The following SLC22A24 variants were observed in gnomAD, a reference collection of about 807,000 sequenced individuals.
SLC22A24 encodes solute carrier family 22 member 24, also known as steroid transmembrane transporter SLC22A24.
SLC22A24 carries 53 observed loss-of-function variants against 49.8 expected under a neutral mutation model. That is an observed-to-expected ratio of 1.06 (90% CI 0.85 to 1.34). The LOEUF (loss-of-function observed/expected upper bound fraction) is 1.34. Ranked by LOEUF, SLC22A24 falls within the 40% of genes most tolerant of loss-of-function variation. The pLI is 0.00. For missense variants in SLC22A24, 786 were observed against 675.9 expected, an observed-to-expected ratio of 1.16 and a Z score of -1.81; for synonymous variants, 302 against 256.4, an observed-to-expected ratio of 1.18 and a Z score of -1.70.
intron 4 of SLC22A24, among the ~76,000 whole-genome samples, chr11:63,116,533 T>C (rs2087214506): frequency 6.6e-6 from 1 of 152,222 alleles, no homozygotes; most frequent in Non-Finnish European, 1.5e-5. Flanking sequence ...TAAAAATCTT[T>C]CTTTGGATTT....
chr11:63,104,444 G>T, intron 4 of SLC22A24, 146 bp from the exon 5 acceptor site: 2 of 746,122 alleles, frequency 2.7e-6, no homozygotes, highest in Non-Finnish European at 4.2e-6. Context: ...CTCCTCTGCT[G>T]GACTCCTAGG....
intron 5 of SLC22A24, among the ~76,000 whole-genome samples, chr11:63,096,985 G>A (rs887580663): frequency 2.0e-5 from 3 of 152,108 alleles, no homozygotes; most frequent in Non-Finnish European, 4.4e-5. Context: ...TAGCACAGGA[G>A]TAGAAACATT....
At chr11:63,130,882 T>A (rs1434918588) in intron 2 of SLC22A24, among the ~76,000 whole-genome samples, 1 of 152,110 alleles carries the variant, frequency 6.6e-6, no homozygotes, top group Admixed American at 6.6e-5. Flanking sequence ...GGTGTTAAAG[T>A]CTCTCATTAT....
At chr11:63,097,056 A>G (rs560364624) in intron 5 of SLC22A24, among the ~76,000 whole-genome samples, 28 of 152,182 alleles carry the variant, frequency 1.8e-4, no homozygotes, top group African/African-American at 6.7e-4. Context: ...GATATGGGAG[A>G]CTTTTACATA....
In SLC22A24 at chr11:63,096,037, G is replaced by A. The variant is rs528111522; in HGVS notation, c.1024C>T (p.Arg342Cys). 9.7e-6 allele frequency: 15 copies of A among 1,550,910 alleles called. 1 individual carries two copies. The highest frequency in any genetic ancestry group is 8.3e-5 in the South Asian group (7 of 84,032). The change falls in exon 6 of 10, where the codon CGT (arginine) becomes TGT (cysteine). Residue 342 changes from arginine (R) to cysteine (C), a missense_variant. Transcript: ENST00000612278. ...RIKTSIFSLF[R>C]APKLRMRVFG... ...ACTCTCATTCGCAATTTGGGTGCAC[G>A]GAACAGGGAAAAAATGGATGTTTTA...
At chr11:63,113,322 T>C (rs887095255) in intron 4 of SLC22A24, among the ~76,000 whole-genome samples, 18 of 151,206 alleles carry the variant, frequency 1.2e-4, no homozygotes, top group Admixed American at 6.6e-4. Flanking sequence ...ATTTTGCCTG[T>C]TAATTGATGC....
At chr11:63,118,739 A>C in intron 4 of SLC22A24, 173 bp downstream of exon 4, 1 of 659,638 alleles carries the variant, frequency 1.5e-6, no homozygotes, top group Non-Finnish European at 2.7e-6. Flanking sequence ...CAGCCTCCCC[A>C]CATATAGTGT....
At chr11:63,130,715 G>T (rs945917578) in intron 2 of SLC22A24, among the ~76,000 whole-genome samples, 2 of 152,102 alleles carry the variant, frequency 1.3e-5, no homozygotes, top group African/African-American at 2.4e-5. Context: ...GGGTGTATTT[G>T]TCCAGGAATT....
At chr11:63,127,429 C>T (rs2087299543) in intron 2 of SLC22A24, among the ~76,000 whole-genome samples, 1 of 152,162 alleles carries the variant, frequency 6.6e-6, no homozygotes, top group Non-Finnish European at 1.5e-5. Flanking sequence ...AATAGTGCCA[C>T]AATAAACATA....
chr11:63,121,257 T>C (rs2087249614), intron 2 of SLC22A24, among the ~76,000 whole-genome samples: 1 of 152,180 alleles, frequency 6.6e-6, no homozygotes, highest in Non-Finnish European at 1.5e-5. Context: ...CACTCTACTT[T>C]CTACTCATTA....
At chr11:63,112,860 A>G (rs1386313733) in intron 4 of SLC22A24, among the ~76,000 whole-genome samples, 1 of 150,476 alleles carries the variant, frequency 6.6e-6, no homozygotes, top group Non-Finnish European at 1.5e-5. Flanking sequence ...AAAAAATACA[A>G]AAAAAATAGC....
At position 63,095,972 on chromosome 11, in the gene SLC22A24, A is replaced by G. The variant is rs1199774657; in HGVS notation, c.1070+19T>C. ...TGTCTCCAATATTTTAAAGTGAATC[A>G]TCACCAAATGGAACTTACCTCACAA... On this transcript the variant is annotated intron_variant, in intron 6 of 9. Coordinates refer to ENST00000612278, the MANE Select transcript of SLC22A24 (RefSeq NM_001136506.2). 2.0e-6 allele frequency: 3 copies of G among 1,504,626 alleles called. No individual in the cohort carries two copies. Among genetic ancestry groups the G allele is most frequent in the South Asian group, 1.2e-5 (1 of 82,440 alleles). The allele number at this position is 1,504,626 out of a possible 1,614,324, so 93.2% of individuals were successfully genotyped here.
chr11:63,080,041 A>T, intron 9 of SLC22A24, 41 bp from the exon 10 acceptor site: 7 of 1,321,190 alleles, frequency 5.3e-6, no homozygotes, highest in Non-Finnish European at 7.5e-6. Context: ...ATTAAGAAAC[A>T]AAAAATAAAT....
At chr11:63,125,512 A>G (rs2087284068) in intron 2 of SLC22A24, among the ~76,000 whole-genome samples, 1 of 152,174 alleles carries the variant, frequency 6.6e-6, no homozygotes, top group East Asian at 1.9e-4. Flanking sequence ...GCTGCATAGT[A>G]TTCCATGGTG....
At chr11:63,141,746 A>G (rs1200815707) in intron 1 of SLC22A24, among the ~76,000 whole-genome samples, 1 of 152,192 alleles carries the variant, frequency 6.6e-6, no homozygotes, top group Non-Finnish European at 1.5e-5. Flanking sequence ...AGTTTCATCA[A>G]AGCCAATTAA....
intron 6 of SLC22A24, among the ~76,000 whole-genome samples, chr11:63,087,630 T>C (rs1363979357): frequency 6.6e-6 from 1 of 152,146 alleles, no homozygotes; most frequent in Non-Finnish European, 1.5e-5. Flanking sequence ...GTGGTCTCGC[T>C]CAGTGAGTCC....
chr11:63,110,919 C>T (rs1036138691), intron 4 of SLC22A24, among the ~76,000 whole-genome samples: 4 of 151,344 alleles, frequency 2.6e-5, no homozygotes, highest in African/African-American at 9.7e-5. Flanking sequence ...GCATCCCTGT[C>T]TTGTGCCAGT....
At chr11:63,130,125 C>T (rs1424208349) in intron 2 of SLC22A24, among the ~76,000 whole-genome samples, 1 of 152,116 alleles carries the variant, frequency 6.6e-6, no homozygotes, top group African/African-American at 2.4e-5. Context: ...TCATAACTAA[C>T]TCTTATTATT....
At position 63,124,962 on chromosome 11, in the gene SLC22A24, G is replaced by A. The variant is rs573903487; in HGVS notation, c.507-5627C>T. Among the ~76,000 whole-genome samples, 54 of 151,794 alleles carry A rather than the reference G, an allele frequency of 3.6e-4. 3 individuals are homozygous for A. The South Asian group carries it at 0.011, about 31-fold the overall frequency. ...ACTCTGGGGACTGTTGCGGGGTGGG[G>A]GGAGTGGGGAGGGATAGCATTAGGA... On this transcript the variant is annotated intron_variant, in intron 2 of 9. Coordinates refer to ENST00000612278, the MANE Select transcript of SLC22A24 (RefSeq NM_001136506.2).
Sources: gnomAD v4.1 joint callset for allele counts (sites outside exome capture counted in the v4.1 genomes callset) on GRCh38, gnomAD v4.1.1 for gene constraint, MANE v1.5 for transcripts, NCBI Gene and HGNC (gene_info 2026-07-23, HGNC 2026-07-21) for gene names.